Variants in SLC13A2 observed in about 807,000 individuals in gnomAD.
The protein encoded by SLC13A2 is Na(+)-coupled citrate transporter.
Under a neutral mutation model 58.5 loss-of-function variants are expected in SLC13A2, and 40 were observed. The observed-to-expected ratio is 0.68, with a 90% CI of 0.53 to 0.89. SLC13A2 has a LOEUF of 0.89. Among genes scored for constraint, SLC13A2 ranks in the 40% least tolerant of loss-of-function variants. SLC13A2 has a pLI of 0.00. For synonymous variants in SLC13A2, 341 were observed against 331.6 expected (o/e 1.03, Z -0.31); for missense variants, 694 against 772.6 (o/e 0.90, Z 1.21).
Position 28,497,334 on chromosome 17 carries a change from G to A in SLC13A2, c.*65G>A, listed in dbSNP as rs894327988. ...CATTCCCACTCCTCTGAGCCCGGAG[G>A]GGACACCCCAAGCTCCAAGCTCCAA... On this transcript the variant is annotated 3_prime_UTR_variant, in exon 12 of 12. Coordinates refer to ENST00000314669, the MANE Select transcript of SLC13A2 (RefSeq NM_003984.4). 1 of 1,543,026 alleles carries A rather than the reference G, an allele frequency of 6.5e-7. No homozygotes were observed.
intron 1 of SLC13A2, among the ~76,000 whole-genome samples, chr17:28,474,099 C>T (rs891380255): frequency 6.6e-6 from 1 of 152,116 alleles, no homozygotes; most frequent in Non-Finnish European, 1.5e-5. Flanking sequence ...GCAAGGGGGG[C>T]AGATGGAGCT....
chr17:28,495,755 T>C lies in SLC13A2; in HGVS notation c.1409T>C (p.Phe470Ser). The C allele has an allele frequency of 6.2e-7, 1 of 1,613,354 alleles. No individual in the cohort carries two copies. Residue 470 changes from phenylalanine (F) to serine (S), a missense_variant, in exon 10 of 12, where the codon TTC becomes TCC. Phe to Ser is a radical substitution (Grantham distance 155, BLOSUM62 -2). Coordinates refer to ENST00000314669, the MANE Select transcript of SLC13A2 (RefSeq NM_003984.4). ...ATCCTCTCCCTCCTGGTGGCCACCTTCACCGAGTGCACTAGCAACGTGGCC... is the reference window on the plus strand; with the variant it reads ...ATCCTCTCCCTCCTGGTGGCCACCTCCACCGAGTGCACTAGCAACGTGGCC... ...AIILSLLVAT[F>S]TECTSNVATT...
In SLC13A2 at chr17:28,495,709, C is replaced by T. The variant is rs782291308; in HGVS notation, c.1363C>T (p.Pro455Ser). Residue 455 changes from proline (P) to serine (S), a missense_variant, in exon 10 of 12, where the codon CCA becomes TCA. Physicochemically the swap from Pro to Ser is moderately conservative, Grantham distance 74. Coordinates refer to ENST00000314669, the MANE Select transcript of SLC13A2 (RefSeq NM_003984.4). ...GNKLTPLQSV[P>S]APAIAIILSL... ...CAAGCTGACCCCACTGCAGAGTGTGCCAGCTCCAGCCATTGCCATCATCCT... is the reference window on the plus strand; with the variant it reads ...CAAGCTGACCCCACTGCAGAGTGTGTCAGCTCCAGCCATTGCCATCATCCT... 5 of 1,612,364 alleles carry T rather than the reference C, an allele frequency of 3.1e-6. No homozygotes were observed. The African/African-American group carries it at 6.7e-5, about 22-fold the overall frequency.
intron 1 of SLC13A2, among the ~76,000 whole-genome samples, chr17:28,484,117 G>A (rs1401834551): frequency 1.3e-5 from 2 of 152,232 alleles, no homozygotes; most frequent in African/African-American, 4.8e-5. Context: ...TCGCTGGGGT[G>A]AGCAGAAACA....
In SLC13A2 at chr17:28,494,616, C is replaced by T. The variant is rs1196956356; in HGVS notation, c.1308+104C>T. 1.4e-5 allele frequency: 22 copies of T among 1,518,934 alleles called. No individual in the cohort carries two copies. The African/African-American group carries it at 1.9e-4, about 13-fold the overall frequency. The allele number at this position is 1,518,934 out of a possible 1,614,324, so 94.1% of individuals were successfully genotyped here. On this transcript the variant is annotated intron_variant, in intron 9 of 11. Coordinates refer to ENST00000314669, the MANE Select transcript of SLC13A2 (RefSeq NM_003984.4). This position sits in a 1 kb window ranked among gnomAD's most constrained non-coding sequence, Gnocchi z 4.0. The stretch of plus-strand genomic sequence containing the variant: ...CCACAGAGGGGAGACCTGGTCCCCA[C>T]GTAGGAGCCTCTCGGGTAGGCAGAG...
rs1254593703 is a variant in SLC13A2, at chr17:28,496,223, C to T, written c.1471-227C>T. Among the ~76,000 whole-genome samples, 3 of 152,200 alleles carry T rather than the reference C, an allele frequency of 2.0e-5. No homozygotes were observed. The highest frequency in any genetic ancestry group is 4.4e-5 in the Non-Finnish European group (3 of 68,026). On this transcript the variant is annotated intron_variant, in intron 10 of 11. Coordinates refer to ENST00000314669, the MANE Select transcript of SLC13A2 (RefSeq NM_003984.4). This position sits in a 1 kb window ranked among gnomAD's most constrained non-coding sequence, Gnocchi z 4.2. Reference sequence around the variant, plus strand: ...TTGAGATCAGTTTTATGGGCCCCTCCCCTCACCACACCCCACAAGGCAGGG... The same window carrying T: ...TTGAGATCAGTTTTATGGGCCCCTCTCCTCACCACACCCCACAAGGCAGGG...
At chr17:28,478,082 G>A (rs1360012933) in intron 1 of SLC13A2, among the ~76,000 whole-genome samples, 1 of 152,086 alleles carries the variant, frequency 6.6e-6, no homozygotes, top group Non-Finnish European at 1.5e-5. Context: ...AAAAGCCTAT[G>A]TGTTACATGA....
intron 1 of SLC13A2, among the ~76,000 whole-genome samples, chr17:28,488,419 A>G (rs1555602405): frequency 6.6e-6 from 1 of 152,108 alleles, no homozygotes. Context: ...ATGATTCCCC[A>G]GCCCTGGGAA....
chr17:28,495,581 T>C, intron 9 of SLC13A2, 74 bp from the exon 10 acceptor site: 2 of 1,467,528 alleles, frequency 1.4e-6, no homozygotes, highest in Non-Finnish European at 1.9e-6. Context: ...AGCAGGAGCC[T>C]CATAGAGCCT....
Position 28,487,199 on chromosome 17 carries a change from A to G in SLC13A2, c.103-2015A>G, listed in dbSNP as rs113097378. 2.4e-3 allele frequency among the ~76,000 whole-genome samples: 372 copies of G among 152,114 alleles called. 3 individuals carry two copies. Among genetic ancestry groups the G allele is most frequent in the African/African-American group, 8.6e-3 (356 of 41,490 alleles). The stretch of plus-strand genomic sequence containing the variant: ...CAGGAAGTGGCAGGCCCTGGGGAAG[A>G]TAGCTCTGGATTCAGAGCCCCAGCT... On this transcript the variant is annotated intron_variant, in intron 1 of 11. Transcript: ENST00000314669.
In SLC13A2 at chr17:28,491,830, C is replaced by A. The variant is rs79182027; in HGVS notation, c.856C>A (p.Gln286Lys). The change falls in exon 6 of 12, where the codon CAG becomes AAG. Residue 286 changes from glutamine to lysine, a missense_variant. Physicochemically the swap from Gln to Lys is moderately conservative, Grantham distance 53. Coordinates refer to ENST00000314669, the MANE Select transcript of SLC13A2 (RefSeq NM_003984.4). Reference protein sequence around the residue: ...ILLLLAWLWLQILFLGFNFRK... With the variant: ...ILLLLAWLWLKILFLGFNFRK... Reference sequence around the variant, plus strand: ...GCTGCTGCTGGCCTGGTTGTGGCTGCAGATCCTCTTCCTGGGCTTCAAGTA... The same window carrying A: ...GCTGCTGCTGGCCTGGTTGTGGCTGAAGATCCTCTTCCTGGGCTTCAAGTA... 2 of 1,614,156 alleles carry A rather than the reference C, an allele frequency of 1.2e-6. No homozygotes were observed. The highest frequency in any genetic ancestry group is 1.7e-6 in the Non-Finnish European group (2 of 1,179,992).
intron 1 of SLC13A2, among the ~76,000 whole-genome samples, chr17:28,483,209 T>C (rs2151449467): frequency 6.6e-6 from 1 of 152,334 alleles, no homozygotes; most frequent in East Asian, 1.9e-4. Flanking sequence ...GAGTCTGCCC[T>C]GGACTCCTTG....
At chr17:28,490,998 G>C in intron 4 of SLC13A2, 92 bp downstream of exon 4, 9 of 1,236,762 alleles carry the variant, frequency 7.3e-6, no homozygotes, top group Non-Finnish European at 1.0e-5. Flanking sequence ...TCATCTTGGA[G>C]CCTTTGGGGA....
chr17:28,487,894 T>C lies in SLC13A2; in HGVS notation c.103-1320T>C, dbSNP rs75952160. ...GTTGGGCAGGCTACACACTGCACAA[T>C]TACTGGGGCACCATTCACACAGACT... On this transcript the variant is annotated intron_variant, in intron 1 of 11. Transcript: ENST00000314669. 4.6e-3 allele frequency among the ~76,000 whole-genome samples: 699 copies of C among 152,222 alleles called. 4 individuals carry two copies. The highest frequency in any genetic ancestry group is 0.016 in the African/African-American group (655 of 41,526).
At position 28,497,533 on chromosome 17, in the gene SLC13A2, G is replaced by A. The variant is rs927963658; in HGVS notation, c.*264G>A. The A allele has an allele frequency of 3.1e-5, 16 of 515,532 alleles. No homozygotes were observed. The highest frequency in any genetic ancestry group is 9.7e-5 in the Admixed American group (3 of 30,838). 31.9% of individuals were successfully genotyped at this position (515,532 alleles called of 1,614,324 possible). ...GGTGTGTGACGTGAGGCTATCTGAG[G>A]GGGGCTGTGTGCATGCACATGATCC... On this transcript the variant is annotated 3_prime_UTR_variant, in exon 12 of 12. Coordinates refer to ENST00000314669, the MANE Select transcript of SLC13A2 (RefSeq NM_003984.4).
intron 1 of SLC13A2, among the ~76,000 whole-genome samples, chr17:28,474,216 G>A (rs960677476): frequency 7.2e-5 from 11 of 152,150 alleles, no homozygotes; most frequent in African/African-American, 2.7e-4. Context: ...AGAGTGAAGA[G>A]GGTTGGAAGG....
rs112767669 is a variant in SLC13A2 at position 28,478,759 on chromosome 17, A to T, written c.102+4945A>T. Among the ~76,000 whole-genome samples the T allele has an allele frequency of 6.1e-3, 925 of 152,322 alleles. 6 individuals are homozygous for T. The highest frequency in any genetic ancestry group is 0.021 in the African/African-American group (862 of 41,572). On this transcript the variant is annotated intron_variant, in intron 1 of 11. Coordinates refer to ENST00000314669, the MANE Select transcript of SLC13A2 (RefSeq NM_003984.4). ...AGCCAGACATGGAAACCTTACATCC[A>T]TTCAAATGTATTCATCCAACCATGC...
chr17:28,474,660 A>G (rs146576360), intron 1 of SLC13A2, among the ~76,000 whole-genome samples: 2 of 152,292 alleles, frequency 1.3e-5, no homozygotes, highest in African/African-American at 2.4e-5. Context: ...ACTCTGTAAG[A>G]AAAAGGACAC....
chr17:28,496,496 C>T lies in SLC13A2; in HGVS notation c.1517C>T (p.Thr506Ile). The T allele has an allele frequency of 6.2e-7, 1 of 1,613,582 alleles. No homozygotes were observed. The highest frequency in any genetic ancestry group is 8.5e-7 in the Non-Finnish European group (1 of 1,179,670). ...LHPLYVMLPC[T>I]LATSLAFMLP... ...CCTCTCTACGTCATGCTCCCCTGCA[C>T]TCTGGCCACCTCCCTGGCCTTCATG... is the stretch of plus-strand genomic sequence containing the variant. The change falls in exon 11 of 12, where the codon ACT becomes ATT. Residue 506 changes from threonine (T) to isoleucine (I), a missense_variant. Thr to Ile is a moderately conservative substitution (Grantham distance 89, BLOSUM62 -1). Coordinates refer to ENST00000314669, the MANE Select transcript of SLC13A2 (RefSeq NM_003984.4). The surrounding 1 kb of genome is among the most constrained non-coding windows in gnomAD (Gnocchi z 4.2).
Sources: gnomAD v4.1 joint callset for allele counts (sites outside exome capture counted in the v4.1 genomes callset) on GRCh38, gnomAD v4.1.1 for gene constraint, Gnocchi (gnomAD v3.1) non-coding constraint, MANE v1.5 for transcripts, NCBI Gene and HGNC (gene_info 2026-07-23, HGNC 2026-07-21) for gene names.